The following C9orf72 variants were observed in gnomAD, a reference collection of about 807,000 sequenced individuals.
The protein encoded by C9orf72 is guanine nucleotide exchange factor C9orf72.
C9orf72 carries 44 observed loss-of-function variants against 51.6 expected under a neutral mutation model. The observed-to-expected ratio is 0.85, with a 90% confidence interval of 0.67 to 1.10. The LOEUF is 1.10. Among genes scored for constraint, C9orf72 ranks in the 50% least tolerant of loss-of-function variants. The pLI is 0.00. For synonymous variants in C9orf72, 213 were observed against 194.2 expected, an observed-to-expected ratio of 1.10 and a Z score of -0.81; for missense variants, 607 against 570.6, an observed-to-expected ratio of 1.06 and a Z score of -0.65.
chr9:27,548,412 T>C lies in C9orf72; in HGVS notation c.1270A>G (p.Lys424Glu). ...TTCCGAAGAGATTTAAAGGGCTTTT[T>C]TCCCTTCTGCCTAAAAATAATGGAA... Reference protein sequence around the residue: ...KYIEDDTQKGKKPFKSLRNLK... With the variant: ...KYIEDDTQKGEKPFKSLRNLK... Residue 424 changes from lysine to glutamate, a missense_variant, in exon 11 of 11, where the codon AAA (lysine) becomes GAA (glutamate). Coordinates refer to ENST00000380003, the MANE Select transcript of C9orf72 (RefSeq NM_018325.5). The C allele has an allele frequency of 7.0e-7, 1 of 1,422,948 alleles. No individual in the cohort carries two copies. The highest frequency in any genetic ancestry group is 9.5e-7 in the Non-Finnish European group (1 of 1,051,448). 88.1% of individuals were successfully genotyped at this position (1,422,948 alleles called of 1,614,324 possible).
At chr9:27,568,617 G>C (rs1227827716) in intron 1 of C9orf72, among the ~76,000 whole-genome samples, 1 of 152,202 alleles carries the variant, frequency 6.6e-6, no homozygotes, top group African/African-American at 2.4e-5. Flanking sequence ...CTGCATATAT[G>C]ATGGTAGTCC....
At chr9:27,568,511 C>T (rs1311018999) in intron 1 of C9orf72, among the ~76,000 whole-genome samples, 1 of 152,176 alleles carries the variant, frequency 6.6e-6, no homozygotes, top group Non-Finnish European at 1.5e-5. Flanking sequence ...ATAAACATAC[C>T]ACTCTAAAAA....
intron 9 of C9orf72, among the ~76,000 whole-genome samples, chr9:27,550,020 T>C (rs1481305241): frequency 6.6e-6 from 1 of 150,788 alleles, no homozygotes; most frequent in Non-Finnish European, 1.5e-5. Flanking sequence ...ATATAAAAAA[T>C]ATATTACACT....
intron 3 of C9orf72, 63 bp downstream of exon 3, chr9:27,565,468 C>A: frequency 9.4e-7 from 1 of 1,060,442 alleles, no homozygotes; most frequent in Non-Finnish European, 1.4e-6. Flanking sequence ...CAAATGTAGC[C>A]ATCAACCTTA....
chr9:27,564,009 A>C (rs1490609569), intron 3 of C9orf72, among the ~76,000 whole-genome samples: 1 of 152,124 alleles, frequency 6.6e-6, no homozygotes, highest in Non-Finnish European at 1.5e-5. Flanking sequence ...GCAAGAACTC[A>C]ATCAAAAGGC....
chr9:27,566,833 T>G lies in C9orf72; in HGVS notation c.288A>C (p.Ser96=), dbSNP rs147752518. Residue 96 remains serine, a synonymous_variant, in exon 2 of 11, where the codon TCA becomes TCC. Coordinates refer to ENST00000380003, the MANE Select transcript of C9orf72 (RefSeq NM_018325.5). ...CATTCCAGTTTCCATCAAAGATTAA[T>G]GAAACAATAATCACTCCCTTTTCAG... ...VLSEKGVIIV[S]LIFDGNWNGD... is the part of the protein sequence containing the mutation. The G allele has an allele frequency of 1.9e-6, 3 of 1,614,016 alleles. No individual in the cohort carries two copies. The East Asian group carries it at 6.7e-5, about 36-fold the overall frequency.
chr9:27,554,775 T>C lies in C9orf72; in HGVS notation c.1091+1786A>G, dbSNP rs184485036. 1.2e-4 allele frequency: 46 copies of C among 394,154 alleles called. No homozygotes were observed. The East Asian group carries it at 1.2e-3, about 10-fold the overall frequency. The allele number at this position is 394,154 out of a possible 1,614,324, so 24.4% of individuals were successfully genotyped here. The stretch of plus-strand genomic sequence containing the variant: ...TAAAAGTAAAATGACTCTGTGACAA[T>C]AGACTTAACACACAATCTAGTGGCT... On this transcript the variant is annotated intron_variant, in intron 8 of 10. Coordinates refer to ENST00000380003, the MANE Select transcript of C9orf72 (RefSeq NM_018325.5).
intron 8 of C9orf72, among the ~76,000 whole-genome samples, chr9:27,556,245 C>T (rs1185153962): frequency 6.6e-6 from 1 of 151,962 alleles, no homozygotes; most frequent in South Asian, 2.1e-4. Context: ...AATGTAGGGG[C>T]TGGGGCTGGG....
intron 8 of C9orf72, among the ~76,000 whole-genome samples, chr9:27,552,309 G>A (rs1376637576): frequency 6.6e-6 from 1 of 151,684 alleles, no homozygotes; most frequent in East Asian, 1.9e-4. Context: ...TTATTTTTTT[G>A]AGGCATGTTC....
In C9orf72 at chr9:27,560,307, T is replaced by G. The variant is rs1819307374; in HGVS notation, c.666-8A>C. 6.2e-7 allele frequency: 1 copy of G among 1,603,198 alleles called. No individual in the cohort carries two copies. The highest frequency in any genetic ancestry group is 1.1e-5 in the South Asian group (1 of 89,608). Reference sequence around the variant, plus strand: ...AAGTGTGAGCTGATGGCACTGTAAGTTAAAGAAAACAGATTAAAAACATTG... The same window carrying G: ...AAGTGTGAGCTGATGGCACTGTAAGGTAAAGAAAACAGATTAAAAACATTG... On this transcript the variant is annotated splice_polypyrimidine_tract_variant and splice_region_variant and intron_variant, in intron 5 of 10. Coordinates refer to ENST00000380003, the MANE Select transcript of C9orf72 (RefSeq NM_018325.5).
At chr9:27,559,899 C>T (rs1376145619) in intron 6 of C9orf72, 1 of 159,266 alleles carries the variant, frequency 6.3e-6, no homozygotes, top group African/African-American at 2.4e-5. Context: ...ACCAAAAGTA[C>T]ATGACTATCT....
intron 1 of C9orf72, among the ~76,000 whole-genome samples, chr9:27,572,516 C>T (rs2131550895): frequency 6.6e-6 from 1 of 151,306 alleles, no homozygotes; most frequent in South Asian, 2.1e-4. Context: ...AGACAGATTA[C>T]GTACCCTTGT....
At chr9:27,560,087 T>C in intron 6 of C9orf72, 140 bp downstream of exon 6, 1 of 457,338 alleles carries the variant, frequency 2.2e-6, no homozygotes, top group Non-Finnish European at 4.0e-6. Flanking sequence ...CCACAAGGTG[T>C]CTTAGCAATT....
At chr9:27,558,022 T>C (rs980632018) in intron 7 of C9orf72, among the ~76,000 whole-genome samples, 2 of 150,448 alleles carry the variant, frequency 1.3e-5, no homozygotes, top group African/African-American at 4.9e-5. Flanking sequence ...TCCTTGACAG[T>C]AGACTCAAAT....
intron 3 of C9orf72, among the ~76,000 whole-genome samples, chr9:27,562,970 T>C (rs1819387323): frequency 1.3e-5 from 2 of 152,176 alleles, no homozygotes; most frequent in South Asian, 4.1e-4. Context: ...CGTTTACTGT[T>C]ACATGCAATG....
At chr9:27,571,007 G>A (rs1412364499) in intron 1 of C9orf72, 2 of 152,214 alleles carry the variant, frequency 1.3e-5, no homozygotes, top group African/African-American at 4.8e-5. Context: ...AGTATAATCA[G>A]GAGAGCTGTA....
In C9orf72 at chr9:27,566,748, G is replaced by A. The variant is rs372541138; in HGVS notation, c.373C>T (p.Leu125Phe). Reference protein sequence around the residue: ...ILPQTELSFYLPLHRVCVDRL... With the variant: ...ILPQTELSFYFPLHRVCVDRL... ...TCAACACACACTCTATGAAGTGGGAGGTAGAAACTAAGTTCTGTCTGTGGA... is the reference window on the plus strand; with the variant it reads ...TCAACACACACTCTATGAAGTGGGAAGTAGAAACTAAGTTCTGTCTGTGGA... Residue 125 changes from leucine (L) to phenylalanine (F), a missense_variant, in exon 2 of 11, where the codon CTC (leucine) becomes TTC (phenylalanine). By Grantham distance (22) the Leu-to-Phe change is conservative (BLOSUM62 0). Coordinates refer to ENST00000380003, the MANE Select transcript of C9orf72 (RefSeq NM_018325.5). The A allele has an allele frequency of 6.2e-7, 1 of 1,613,752 alleles. No individual in the cohort carries two copies. The highest frequency in any genetic ancestry group is 1.3e-5 in the African/African-American group (1 of 75,020).
At chr9:27,552,515 A>ATTTTTTTT (rs71492751) in intron 8 of C9orf72, among the ~76,000 whole-genome samples, 25 of 105,622 alleles carry the variant, frequency 2.4e-4, no homozygotes, top group Admixed American at 4.9e-4. Flanking sequence ...TACCAAGCTA[A>ATTTTTTTT]TTTTTTTTTT....
chr9:27,573,061 TC>T (rs1194743472), intron 1 of C9orf72, among the ~76,000 whole-genome samples: 1 of 152,036 alleles, frequency 6.6e-6, no homozygotes, highest in Non-Finnish European at 1.5e-5. Flanking sequence ...CCTCCGGCCT[TC>T]CCCCAGGCGA....
Sources: gnomAD v4.1 joint callset for allele counts (sites outside exome capture counted in the v4.1 genomes callset) on GRCh38, gnomAD v4.1.1 for gene constraint, MANE v1.5 for transcripts, NCBI Gene and HGNC (gene_info 2026-07-23, HGNC 2026-07-21) for gene names.